Variants in PDE4D observed in about 807,000 individuals in gnomAD.
PDE4D encodes 3',5'-cyclic-AMP phosphodiesterase 4D.
In PDE4D, 24 loss-of-function variants were observed where a neutral mutation model predicts 87.4. The observed-to-expected ratio is 0.27, with a 90% CI of 0.20 to 0.39. The LOEUF is 0.39. PDE4D is among the 10% of genes least tolerant of loss of function. PDE4D has a pLI of 1.00. For synonymous variants in PDE4D, 384 were observed against 383.2 expected (o/e 1.00, Z -0.02); for missense variants, 714 against 1,041.0 (o/e 0.69, Z 4.32).
intron 11 of PDE4D, among the ~76,000 whole-genome samples, chr5:58,983,433 A>T (rs1745698495): frequency 6.6e-6 from 1 of 152,214 alleles, no homozygotes; most frequent in African/African-American, 2.4e-5. Context: ...CATGCCCAAC[A>T]TATGGCTTGG....
intron 1 of PDE4D, among the ~76,000 whole-genome samples, chr5:59,685,830 C>T (rs1228352917): frequency 6.6e-6 from 1 of 151,914 alleles, no homozygotes; most frequent in Admixed American, 6.6e-5. Context: ...ATTTTCTGAC[C>T]ACGATAAGCA....
At chr5:59,120,540 C>T (rs961778807) in intron 5 of PDE4D, among the ~76,000 whole-genome samples, 4 of 151,908 alleles carry the variant, frequency 2.6e-5, no homozygotes, top group Non-Finnish European at 4.4e-5. Context: ...TAAACATCTA[C>T]TCTGATGTAC....
chr5:60,298,149 AT>A lies in PDE4D; in HGVS notation c.-89-112463del, dbSNP rs1461412614. The stretch of plus-strand genomic sequence containing the variant: ...AAATCAACAAGCATCTACCAGAAAA[AT>A]AAAAAAAAAAAAGATTACAGGAAAA... On this transcript the variant is annotated intron_variant, in intron 1 of 16. Transcript: ENST00000502484. 3.8e-4 allele frequency among the ~76,000 whole-genome samples: 56 copies of A among 146,034 alleles called. 1 individual carries two copies. Among genetic ancestry groups the A allele is most frequent in the Admixed American group, 3.6e-3 (53 of 14,790 alleles).
intron 1 of PDE4D, among the ~76,000 whole-genome samples, chr5:60,244,364 T>C (rs1220576823): frequency 1.3e-5 from 2 of 151,912 alleles, no homozygotes; most frequent in African/African-American, 2.4e-5. Flanking sequence ...TGTTAAAATG[T>C]CCATACTATC....
At chr5:59,692,195 G>A (rs1166019810) in intron 1 of PDE4D, among the ~76,000 whole-genome samples, 1 of 152,104 alleles carries the variant, frequency 6.6e-6, no homozygotes, top group East Asian at 1.9e-4. Flanking sequence ...TAAGAAATAA[G>A]ACATAGGAAG....
intron 5 of PDE4D, among the ~76,000 whole-genome samples, chr5:59,122,590 C>T (rs1157061244): frequency 2.6e-5 from 4 of 152,230 alleles, no homozygotes; most frequent in East Asian, 1.9e-4. Flanking sequence ...GTAAATACCC[C>T]GATTCCATCA....
chr5:59,064,925 C>T (rs1275209092), intron 5 of PDE4D, among the ~76,000 whole-genome samples: 1 of 152,068 alleles, frequency 6.6e-6, no homozygotes, highest in Non-Finnish European at 1.5e-5. Context: ...AGCAGTCCCA[C>T]TTCTTGGTAT....
chr5:59,928,347 G>T (rs2152785226), intron 3 of PDE4D, among the ~76,000 whole-genome samples: 1 of 152,276 alleles, frequency 6.6e-6, no homozygotes, highest in Non-Finnish European at 1.5e-5. Flanking sequence ...GGAGGCTGAG[G>T]TGGGCAGATG....
At chr5:59,710,603 G>C (rs894247811) in intron 1 of PDE4D, among the ~76,000 whole-genome samples, 1 of 149,596 alleles carries the variant, frequency 6.7e-6, no homozygotes, top group Non-Finnish European at 1.5e-5. Flanking sequence ...AAAATAGTAA[G>C]AAACAGTCTG....
intron 1 of PDE4D, among the ~76,000 whole-genome samples, chr5:59,436,264 T>C (rs1299457195): frequency 1.3e-5 from 2 of 152,158 alleles, no homozygotes; most frequent in Admixed American, 6.5e-5. Context: ...ATCATGAAGG[T>C]CATCACAGTG....
At chr5:59,113,700 G>A (rs1773077815) in intron 5 of PDE4D, among the ~76,000 whole-genome samples, 1 of 152,168 alleles carries the variant, frequency 6.6e-6, no homozygotes, top group Non-Finnish European at 1.5e-5. Context: ...ACCAATCTTG[G>A]AAACAGACTG....
chr5:60,185,560 T>G, exon 2 of PDE4D: 1 of 1,528,208 alleles, frequency 6.5e-7, no homozygotes, highest in East Asian at 2.5e-5. Context: ...TACTTACACT[T>G]TTGCTCCGAG....
intron 1 of PDE4D, among the ~76,000 whole-genome samples, chr5:59,614,366 T>A (rs1366076754): frequency 1.3e-5 from 2 of 152,256 alleles, no homozygotes; most frequent in African/African-American, 4.8e-5. Context: ...TGTATTATCA[T>A]AGAAATTATG....
intron 1 of PDE4D, among the ~76,000 whole-genome samples, chr5:60,201,940 G>T (rs1298141811): frequency 6.6e-6 from 1 of 151,924 alleles, no homozygotes; most frequent in Non-Finnish European, 1.5e-5. Flanking sequence ...AATTATACTG[G>T]GACAACTTGA....
chr5:59,542,298 C>T (rs779030159), intron 1 of PDE4D, among the ~76,000 whole-genome samples: 11 of 152,184 alleles, frequency 7.2e-5, no homozygotes, highest in African/African-American at 1.2e-4. Flanking sequence ...CAGGGCTGAG[C>T]GTATAATAAT....
intron 1 of PDE4D, among the ~76,000 whole-genome samples, chr5:60,395,680 T>C (rs1762839415): frequency 6.6e-6 from 1 of 152,146 alleles, no homozygotes; most frequent in Admixed American, 6.5e-5. Flanking sequence ...AGATTACGCC[T>C]TTTATTTCTC....
chr5:60,460,505 G>A, intron 1 of PDE4D: 1 of 1,518,876 alleles, frequency 6.6e-7, no homozygotes, highest in Non-Finnish European at 9.1e-7. Context: ...TGAAAAAATG[G>A]TTGGCAGAGT....
intron 1 of PDE4D, among the ~76,000 whole-genome samples, chr5:60,482,250 A>C (rs906389020): frequency 7.2e-5 from 11 of 152,156 alleles, no homozygotes; most frequent in Admixed American, 4.6e-4. Flanking sequence ...GCAACCCAAA[A>C]GACAGCCCTC....
intron 5 of PDE4D, among the ~76,000 whole-genome samples, chr5:59,110,523 T>C (rs952511460): frequency 6.6e-6 from 1 of 152,230 alleles, no homozygotes; most frequent in African/African-American, 2.4e-5. Flanking sequence ...TAGATTATCT[T>C]ATTTAATCCT....
Sources: allele counts gnomAD v4.1 joint callset (sites outside exome capture counted in the v4.1 genomes callset), GRCh38; gene constraint gnomAD v4.1.1; transcripts MANE v1.5; gene names NCBI Gene and HGNC (gene_info 2026-07-23, HGNC 2026-07-21).